GPATCH8: variants seen among roughly 807,000 people sequenced by gnomAD.
GPATCH8 encodes the protein G-patch domain containing 8.
GPATCH8 carries 18 observed loss-of-function variants against 118.3 expected under a neutral mutation model. The ratio of observed to expected loss-of-function variants is 0.15; its 90% CI spans 0.11 to 0.23. The LOEUF is 0.23. Among genes scored for constraint, GPATCH8 ranks in the 10% least tolerant of loss-of-function variants. GPATCH8 has a pLI of 1.00. For synonymous variants in GPATCH8, 659 were observed against 684.7 expected (o/e 0.96, Z 0.59); for missense variants, 1,631 against 1,873.8 (o/e 0.87, Z 2.39).
chr17:44,414,079 A>ATATATATGTG (rs908415895), intron 6 of GPATCH8, among the ~76,000 whole-genome samples: 1 of 129,892 alleles, frequency 7.7e-6, no homozygotes, highest in African/African-American at 3.0e-5. Flanking sequence ...ATATATATAT[A>ATATATATGTG]TGTGTGTGTA....
intron 3 of GPATCH8, among the ~76,000 whole-genome samples, chr17:44,451,229 G>C (rs200936359): frequency 6.6e-6 from 1 of 152,142 alleles, no homozygotes; most frequent in East Asian, 1.9e-4. Context: ...AAGTAGCTGG[G>C]ATTACAGGCG....
intron 6 of GPATCH8, among the ~76,000 whole-genome samples, chr17:44,421,094 T>C (rs549266468): frequency 6.6e-6 from 1 of 151,242 alleles, no homozygotes; most frequent in Non-Finnish European, 1.5e-5. Flanking sequence ...TCAACTGATC[T>C]GCCCGCCTTG....
intron 6 of GPATCH8, among the ~76,000 whole-genome samples, chr17:44,420,038 GTTT>G (rs35137337): frequency 7.0e-6 from 1 of 143,510 alleles, no homozygotes; most frequent in African/African-American, 2.5e-5. Context: ...GTACTACATG[GTTT>G]TTTTTTTTTT....
At chr17:44,428,055 G>A (rs2050152704) in intron 5 of GPATCH8, among the ~76,000 whole-genome samples, 1 of 152,152 alleles carries the variant, frequency 6.6e-6, no homozygotes, top group South Asian at 2.1e-4. Flanking sequence ...GCCGAGGCAG[G>A]CGGATTACCT....
chr17:44,464,698 G>T, intron 2 of GPATCH8, 154 bp from the exon 3 acceptor site: 1 of 660,130 alleles, frequency 1.5e-6, no homozygotes, highest in Non-Finnish European at 2.7e-6. Context: ...CAATAAGAGG[G>T]ACATTAATGT....
intron 5 of GPATCH8, among the ~76,000 whole-genome samples, chr17:44,432,307 T>C (rs979678817): frequency 1.3e-5 from 2 of 152,128 alleles, no homozygotes; most frequent in African/African-American, 4.8e-5. Flanking sequence ...ATAGTATACG[T>C]AGATGAAGGC....
chr17:44,413,792 G>C (rs555531158), intron 6 of GPATCH8, among the ~76,000 whole-genome samples: 1 of 151,992 alleles, frequency 6.6e-6, no homozygotes, highest in East Asian at 1.9e-4. Flanking sequence ...GCTAATTTTT[G>C]TATTTTTAGT....
intron 5 of GPATCH8, among the ~76,000 whole-genome samples, chr17:44,425,507 TTTTC>T (rs1238496892): frequency 6.6e-6 from 1 of 152,194 alleles, no homozygotes; most frequent in Non-Finnish European, 1.5e-5. Flanking sequence ...TTCACAATAA[TTTTC>T]TTTGACAGTC....
intron 3 of GPATCH8, among the ~76,000 whole-genome samples, chr17:44,459,122 C>T (rs2051450837): frequency 1.3e-5 from 2 of 152,110 alleles, no homozygotes; most frequent in Non-Finnish European, 2.9e-5. Context: ...GTAGAGATGA[C>T]TAGTGAGCTC....
At chr17:44,483,177 ATAT>A (rs1191221526) in intron 1 of GPATCH8, among the ~76,000 whole-genome samples, 32 of 6,968 alleles carry the variant, frequency 4.6e-3, no homozygotes, top group African/African-American at 7.0e-3. Context: ...AAAAAAAAAA[ATAT>A]ATATATATAT....
chr17:44,412,625 C>G lies in GPATCH8; in HGVS notation c.493-6574G>C, dbSNP rs555428836. 8.5e-5 allele frequency among the ~76,000 whole-genome samples: 13 copies of G among 152,168 alleles called. No individual in the cohort carries two copies. In the South Asian group the frequency reaches 2.7e-3, roughly 32 times the overall value. On this transcript the variant is annotated intron_variant, in intron 6 of 7. Coordinates refer to ENST00000591680, the MANE Select transcript of GPATCH8 (RefSeq NM_001002909.4). Reference sequence around the variant, plus strand: ...TCTTGAACTCCTGACCTCAGGTGATCCACCTGCCTCTGCCTCCCAAAGTGC... The same window carrying G: ...TCTTGAACTCCTGACCTCAGGTGATGCACCTGCCTCTGCCTCCCAAAGTGC...
At chr17:44,406,442 T>C (rs2049223939) in intron 6 of GPATCH8, among the ~76,000 whole-genome samples, 1 of 115,810 alleles carries the variant, frequency 8.6e-6, no homozygotes, top group Non-Finnish European at 1.6e-5. Flanking sequence ...GGGGTTAGGC[T>C]AGTACAGAAA....
At chr17:44,455,544 A>G (rs751717304) in intron 3 of GPATCH8, among the ~76,000 whole-genome samples, 1 of 152,046 alleles carries the variant, frequency 6.6e-6, no homozygotes, top group Non-Finnish European at 1.5e-5. Context: ...GAGCATATTA[A>G]TATCTATTTC....
intron 1 of GPATCH8, among the ~76,000 whole-genome samples, chr17:44,482,742 T>C (rs1419395331): frequency 6.6e-6 from 1 of 152,028 alleles, no homozygotes; most frequent in South Asian, 2.1e-4. Context: ...AATAAATTCA[T>C]AGAAATCCAT....
At position 44,399,415 on chromosome 17, in the gene GPATCH8, T is replaced by C. The variant is rs1401450837; in HGVS notation, c.2662A>G (p.Ser888Gly). 3 of 1,614,118 alleles carry C rather than the reference T, an allele frequency of 1.9e-6. No individual in the cohort carries two copies. The highest frequency in any genetic ancestry group is 2.5e-6 in the Non-Finnish European group (3 of 1,179,934). The change falls in exon 8 of 8, where the codon AGT (serine) becomes GGT (glycine). Residue 888 changes from serine (S) to glycine (G), a missense_variant. Transcript: ENST00000591680. ...TCACTGTAGCTGTCATCAGAGTAACTGCGCTGTCTACTATAGCAGCTCTGG... is the reference window on the plus strand; with the variant it reads ...TCACTGTAGCTGTCATCAGAGTAACCGCGCTGTCTACTATAGCAGCTCTGG... The part of the protein sequence containing the change: ...SDQSCYSRQR[S>G]YSDDSYSDYS...
chr17:44,484,538 G>T (rs1968621218), intron 1 of GPATCH8, among the ~76,000 whole-genome samples: 1 of 152,040 alleles, frequency 6.6e-6, no homozygotes, highest in East Asian at 1.9e-4. Flanking sequence ...ACACCAGGTG[G>T]GTAGGTAGTA....
intron 1 of GPATCH8, among the ~76,000 whole-genome samples, chr17:44,487,522 G>A (rs1968878889): frequency 6.6e-6 from 1 of 152,192 alleles, no homozygotes; most frequent in Admixed American, 6.5e-5. Flanking sequence ...TAAGTACTAA[G>A]GAGTATGATT....
At chr17:44,454,534 C>T (rs1194979426) in intron 3 of GPATCH8, among the ~76,000 whole-genome samples, 1 of 152,202 alleles carries the variant, frequency 6.6e-6, no homozygotes. Context: ...CCTTTCTATA[C>T]AGCATGCAAG....
intron 6 of GPATCH8, among the ~76,000 whole-genome samples, chr17:44,423,042 G>A (rs12946372): frequency 0.03 from 4,618 of 151,884 alleles, 217 homozygotes; most frequent in African/African-American, 0.11. Context: ...GCCGAGGTGG[G>A]CGGATCACGA....
Sources: gnomAD v4.1 joint callset for allele counts (sites outside exome capture counted in the v4.1 genomes callset) on GRCh38, gnomAD v4.1.1 for gene constraint, MANE v1.5 for transcripts, NCBI Gene and HGNC (gene_info 2026-07-23, HGNC 2026-07-21) for gene names.